Variants in KHDRBS2 observed in about 807,000 individuals in gnomAD.
KHDRBS2 encodes KH domain-containing, RNA-binding, signal transduction-associated protein 2.
Under a neutral mutation model 44.3 loss-of-function variants are expected in KHDRBS2, and 26 were observed. That is an observed-to-expected ratio of 0.59 (90% CI 0.43 to 0.81). KHDRBS2 has a LOEUF of 0.81. KHDRBS2 is among the 40% of genes least tolerant of loss of function. The pLI is 0.00. For missense variants in KHDRBS2, 476 were observed against 433.1 expected (o/e 1.10, Z -0.88); for synonymous variants, 194 against 151.1 (o/e 1.28, Z -2.08).
intron 3 of KHDRBS2, among the ~76,000 whole-genome samples, chr6:62,016,486 A>G (rs1203787433): frequency 6.6e-6 from 1 of 150,866 alleles, no homozygotes; most frequent in Non-Finnish European, 1.5e-5. Flanking sequence ...ATGTATATAT[A>G]TATAGTGTGG....
chr6:61,718,024 C>T (rs1339468107), intron 7 of KHDRBS2, among the ~76,000 whole-genome samples: 1 of 151,988 alleles, frequency 6.6e-6, no homozygotes, highest in Admixed American at 6.6e-5. Context: ...AATCACTTAA[C>T]ATTTCTAAAA....
chr6:62,020,383 T>A (rs1181008038), intron 3 of KHDRBS2, among the ~76,000 whole-genome samples: 3 of 152,024 alleles, frequency 2.0e-5, no homozygotes, highest in Non-Finnish European at 4.4e-5. Context: ...TACTAAATGT[T>A]CTATGTGCAC....
intron 1 of KHDRBS2, among the ~76,000 whole-genome samples, chr6:62,274,076 C>G (rs1840523142): frequency 1.3e-5 from 2 of 152,146 alleles, no homozygotes; most frequent in Admixed American, 1.3e-4. Flanking sequence ...GCAGGGACTA[C>G]AGGTGTGCGC....
At chr6:61,720,722 A>G (rs1313136521) in intron 7 of KHDRBS2, among the ~76,000 whole-genome samples, 7 of 151,592 alleles carry the variant, frequency 4.6e-5, no homozygotes, top group Non-Finnish European at 5.9e-5. Flanking sequence ...CTCCCATTTT[A>G]TAGGTTGCCT....
At chr6:61,600,462 C>A in the KHDRBS2 span, among the ~76,000 whole-genome samples, 1 of 152,086 alleles carries the variant, frequency 6.6e-6, no homozygotes, top group East Asian at 1.9e-4. Flanking sequence ...CAGAGAACAA[C>A]CCCCTTTGAC....
the KHDRBS2 span, among the ~76,000 whole-genome samples, chr6:61,554,295 A>G: frequency 6.6e-6 from 1 of 151,928 alleles, no homozygotes; most frequent in African/African-American, 2.4e-5. Flanking sequence ...GTTGGTTTAA[A>G]GTCTGTTTTA....
At chr6:61,809,407 G>T (rs532958463) in intron 6 of KHDRBS2, among the ~76,000 whole-genome samples, 1 of 152,054 alleles carries the variant, frequency 6.6e-6, no homozygotes, top group African/African-American at 2.4e-5. Context: ...AGAAACTTGG[G>T]CAACTTTTCA....
At chr6:61,611,447 T>A in the KHDRBS2 span, among the ~76,000 whole-genome samples, 71 of 152,318 alleles carry the variant, frequency 4.7e-4, no homozygotes, top group Non-Finnish European at 9.1e-4. Flanking sequence ...AGCAAAAGGA[T>A]AGGATAAGTA....
the KHDRBS2 span, among the ~76,000 whole-genome samples, chr6:61,572,389 C>T: frequency 2.0e-5 from 3 of 152,008 alleles, no homozygotes. Context: ...TTCAATGAGA[C>T]ATTCAAAGAA....
the KHDRBS2 span, among the ~76,000 whole-genome samples, chr6:61,630,008 G>C: frequency 6.6e-6 from 1 of 152,132 alleles, no homozygotes; most frequent in African/African-American, 2.4e-5. Context: ...TTACAGGTTT[G>C]TGGGTCAATA....
intron 6 of KHDRBS2, among the ~76,000 whole-genome samples, chr6:61,748,781 G>A (rs1350344305): frequency 6.6e-6 from 1 of 151,818 alleles, no homozygotes. Flanking sequence ...CTCCTGTTAT[G>A]TATCACATTT....
intron 4 of KHDRBS2, among the ~76,000 whole-genome samples, chr6:61,911,808 A>C (rs1806098282): frequency 6.6e-6 from 1 of 152,058 alleles, no homozygotes; most frequent in South Asian, 2.1e-4. Context: ...AGAGTATACA[A>C]TATTGCCATG....
rs187594915 is a variant in KHDRBS2 at position 62,176,372 on chromosome 6, T to C, written c.219+813A>G. 3.0e-3 allele frequency among the ~76,000 whole-genome samples: 457 copies of C among 151,498 alleles called. 2 individuals carry two copies. Among genetic ancestry groups the C allele is most frequent in the African/African-American group, 0.01 (433 of 41,522 alleles). ...AAATAATTGTAGACAAAGCATCTAG[T>C]TAATTATATTTACTAAAGTTTATCA... On this transcript the variant is annotated intron_variant, in intron 2 of 8. Coordinates refer to ENST00000281156, the MANE Select transcript of KHDRBS2 (RefSeq NM_152688.4).
chr6:61,545,903 C>T, the KHDRBS2 span, among the ~76,000 whole-genome samples: 1 of 152,046 alleles, frequency 6.6e-6, no homozygotes, highest in East Asian at 1.9e-4. Flanking sequence ...CCGTCTTCAA[C>T]CCAAGGGGAG....
At chr6:61,602,540 T>A in the KHDRBS2 span, among the ~76,000 whole-genome samples, 1 of 152,242 alleles carries the variant, frequency 6.6e-6, no homozygotes, top group East Asian at 1.9e-4. Context: ...TCTGACTGAC[T>A]CCTTCCCAGA....
chr6:62,050,186 C>T (rs1265817987), intron 2 of KHDRBS2, among the ~76,000 whole-genome samples: 2 of 151,986 alleles, frequency 1.3e-5, no homozygotes, highest in East Asian at 3.9e-4. Context: ...AGCAAACTGA[C>T]ATAGGAACAG....
At chr6:61,994,713 C>T (rs1776839018) in intron 3 of KHDRBS2, among the ~76,000 whole-genome samples, 3 of 152,070 alleles carry the variant, frequency 2.0e-5, no homozygotes, top group Admixed American at 2.0e-4. Context: ...TATACTCATT[C>T]AGCAAAGTTT....
intron 1 of KHDRBS2, among the ~76,000 whole-genome samples, chr6:62,194,525 G>A (rs1031922209): frequency 1.3e-5 from 1 of 74,244 alleles, no homozygotes; most frequent in Non-Finnish European, 2.4e-5. Context: ...TTTTGAGATG[G>A]AGTCTCTCTC....
intron 2 of KHDRBS2, among the ~76,000 whole-genome samples, chr6:62,059,993 C>A (rs866511459): frequency 1.3e-5 from 2 of 151,742 alleles, no homozygotes; most frequent in Middle Eastern, 3.4e-3. Context: ...GAATGTATAA[C>A]CAGAATCAGC....
Sources: allele counts gnomAD v4.1 joint callset (sites outside exome capture counted in the v4.1 genomes callset), GRCh38; gene constraint gnomAD v4.1.1; transcripts MANE v1.5; gene names NCBI Gene and HGNC (gene_info 2026-07-23, HGNC 2026-07-21).